Variants in OR51B5 observed in about 807,000 individuals in gnomAD.
The protein encoded by OR51B5 is olfactory receptor family 51 subfamily B member 5, also known as olfactory receptor 51B5.
For missense variants in OR51B5, 456 were observed against 374.6 expected, an observed-to-expected ratio of 1.22 and a Z score of -1.79; for synonymous variants, 186 against 144.8, an observed-to-expected ratio of 1.28 and a Z score of -2.04.
At chr11:5,468,023 G>A (rs567854607) in intron 1 of OR51B5, among the ~76,000 whole-genome samples, 1 of 152,266 alleles carries the variant, frequency 6.6e-6, no homozygotes, top group South Asian at 2.1e-4. Context: ...TATTTCAGAA[G>A]TGTAAACATG....
upstream of OR51B5, chr11:5,343,639 ATAATGACATCAATAT>A (rs1471243678): frequency 4.5e-5 from 26 of 573,748 alleles, no homozygotes; most frequent in Non-Finnish European, 7.0e-5. Flanking sequence ...CCTAAAGATA[ATAATGACATCAATAT>A]AAGTGATTGT....
chr11:5,369,817 G>A (rs1385791082), intron 1 of OR51B5, among the ~76,000 whole-genome samples: 2 of 152,146 alleles, frequency 1.3e-5, no homozygotes, highest in East Asian at 1.9e-4. Context: ...AGTGCTGCTT[G>A]TCTGCATTTT....
rs12577634 is a variant in OR51B5 at position 5,412,439 on chromosome 11, G to A, written n.85-65529C>T. On this transcript the variant is annotated intron_variant and non_coding_transcript_variant, in intron 1 of 4. Transcript: ENST00000415970. Reference sequence around the variant, plus strand: ...CACTAGGGAGTGCCAGACAGTGGGCGCAGGTCAGTGGGTGCAGCGTACTGT... The same window carrying A: ...CACTAGGGAGTGCCAGACAGTGGGCACAGGTCAGTGGGTGCAGCGTACTGT... 0.038 allele frequency among the ~76,000 whole-genome samples: 5,721 copies of A among 152,080 alleles called. 514 individuals carry two copies. The East Asian group carries it at 0.4, about 11-fold the overall frequency.
At chr11:5,352,771 TACAC>T (rs1231967922) in intron 1 of OR51B5, among the ~76,000 whole-genome samples, 1 of 81,758 alleles carries the variant, frequency 1.2e-5, no homozygotes, top group Admixed American at 1.1e-4. Flanking sequence ...CACATACATA[TACAC>T]ACACAGATAC....
At chr11:5,348,491 A>G (rs1303081954), upstream of OR51B5, among the ~76,000 whole-genome samples, 1 of 152,192 alleles carries the variant, frequency 6.6e-6, no homozygotes, top group Non-Finnish European at 1.5e-5. Context: ...CTTTCTAGAA[A>G]AAAAGTCACT....
intron 1 of OR51B5, among the ~76,000 whole-genome samples, chr11:5,474,068 T>C (rs1478978110): frequency 6.6e-6 from 1 of 152,198 alleles, no homozygotes; most frequent in East Asian, 1.9e-4. Flanking sequence ...TTGACTGATT[T>C]AACCTAATTA....
chr11:5,404,803 C>T (rs1850035411), intron 1 of OR51B5, among the ~76,000 whole-genome samples: 1 of 152,210 alleles, frequency 6.6e-6, no homozygotes, highest in Admixed American at 6.5e-5. Flanking sequence ...GAATGAACAC[C>T]TGCAGATGCA....
At chr11:5,431,434 G>T (rs1850534011) in intron 1 of OR51B5, 1 of 210,048 alleles carries the variant, frequency 4.8e-6, no homozygotes, top group Non-Finnish European at 9.7e-6. Flanking sequence ...GGCTCATGTA[G>T]GGCAGAGTCT....
chr11:5,487,580 C>T (rs420010), intron 1 of OR51B5, among the ~76,000 whole-genome samples: 146,293 of 152,262 alleles, frequency 0.96, 70,314 homozygotes, highest in South Asian at 0.99. Flanking sequence ...TTCAGATTTC[C>T]TGGCATTTCT....
At chr11:5,342,083 T>G (rs933767942), downstream of OR51B5, among the ~76,000 whole-genome samples, 1 of 152,186 alleles carries the variant, frequency 6.6e-6, no homozygotes, top group African/African-American at 2.4e-5. Flanking sequence ...AAGATTATAT[T>G]CTTTTTTGCA....
intron 1 of OR51B5, among the ~76,000 whole-genome samples, chr11:5,470,748 G>T (rs1851216361): frequency 6.6e-6 from 1 of 152,108 alleles, no homozygotes; most frequent in African/African-American, 2.4e-5. Flanking sequence ...CTATTTACAA[G>T]TCTATTAATC....
exon 1 of OR51B5, chr11:5,505,583 G>A (rs1846360830): frequency 5.8e-6 from 5 of 863,836 alleles, no homozygotes; most frequent in Non-Finnish European, 7.7e-6. Flanking sequence ...CCACATAGCT[G>A]GGGAGGCCTC....
Position 5,466,512 on chromosome 11 carries a change from T to TA in OR51B5, n.84+39056dup, listed in dbSNP as rs59527298. Among the ~76,000 whole-genome samples the TA allele has an allele frequency of 8.3e-3, 1,269 of 152,112 alleles. 20 individuals are homozygous for TA. Among genetic ancestry groups the TA allele is most frequent in the African/African-American group, 0.022 (933 of 41,500 alleles). On this transcript the variant is annotated intron_variant and non_coding_transcript_variant, in intron 1 of 4. Coordinates refer to the OR51B5 transcript ENST00000415970. ...GCAGACACTGAAATGTTAGCATTAA[T>TA]AAAAAAAAGACTTGAAACAAAAAGG...
intron 1 of OR51B5, chr11:5,362,493 T>C (rs1006225066): frequency 6.4e-5 from 10 of 157,138 alleles, no homozygotes; most frequent in African/African-American, 1.9e-4. Flanking sequence ...TGAATCAGAA[T>C]AGATAACATT....
chr11:5,468,378 G>C (rs1384366718), intron 1 of OR51B5: 1 of 258,676 alleles, frequency 3.9e-6, no homozygotes, highest in African/African-American at 2.3e-5. Context: ...CACAATTATA[G>C]GTGTACGTCT....
At chr11:5,472,808 A>T (rs916360071) in intron 1 of OR51B5, among the ~76,000 whole-genome samples, 1 of 152,216 alleles carries the variant, frequency 6.6e-6, no homozygotes, top group Non-Finnish European at 1.5e-5. Flanking sequence ...TTCTCAGATT[A>T]GGGTTCTTTC....
intron 1 of OR51B5, among the ~76,000 whole-genome samples, chr11:5,431,786 T>C (rs1239515179): frequency 6.6e-6 from 1 of 152,216 alleles, no homozygotes; most frequent in East Asian, 1.9e-4. Flanking sequence ...CATCCTCTTC[T>C]CTCCTCCTGT....
intron 1 of OR51B5, chr11:5,403,275 GTA>G: frequency 2.1e-6 from 1 of 471,580 alleles, no homozygotes; most frequent in Non-Finnish European, 4.4e-6. Context: ...ACTCCACACT[GTA>G]TTGGGTATTG....
intron 1 of OR51B5, among the ~76,000 whole-genome samples, chr11:5,443,492 A>T (rs1850721809): frequency 6.7e-6 from 1 of 149,872 alleles, no homozygotes; most frequent in Non-Finnish European, 1.5e-5. Context: ...GTCTTTTTAG[A>T]TCTAGCCTGT....
Sources: allele counts gnomAD v4.1 joint callset (sites outside exome capture counted in the v4.1 genomes callset), GRCh38; gene constraint gnomAD v4.1.1; transcripts MANE v1.5; gene names NCBI Gene and HGNC (gene_info 2026-07-23, HGNC 2026-07-21).